The following THSD4 variants were observed in gnomAD, a reference collection of about 807,000 sequenced individuals.
The protein encoded by THSD4 is thrombospondin type 1 domain containing 4.
THSD4 carries 69 observed loss-of-function variants against 119.0 expected under a neutral mutation model. The ratio of observed to expected loss-of-function variants is 0.58; its 90% CI spans 0.48 to 0.71. The LOEUF is 0.71. Ranked by LOEUF, THSD4 falls within the 30% of genes least tolerant of loss-of-function variation. The pLI, the probability that THSD4 is intolerant of heterozygous loss-of-function variation, is 0.00. For missense variants in THSD4, 1,393 were observed against 1,391.1 expected (o/e 1.00, Z -0.02); for synonymous variants, 524 against 540.4 (o/e 0.97, Z 0.42).
intron 5 of THSD4, among the ~76,000 whole-genome samples, chr15:71,255,419 A>G (rs1392486191): frequency 6.6e-6 from 1 of 152,242 alleles, no homozygotes; most frequent in Non-Finnish European, 1.5e-5. Context: ...AGGAAGAGAT[A>G]AGCCAGAGGG....
rs1190985843 is a variant in THSD4 at position 71,115,846 on chromosome 15, GCTGCGC to G, written c.-80+150_-80+155del. 1 of 151,514 alleles carries G rather than the reference GCTGCGC, an allele frequency of 6.6e-6. No homozygotes were observed. The highest frequency in any genetic ancestry group is 2.4e-5 in the African/African-American group (1 of 41,172). 9.4% of individuals were successfully genotyped at this position (151,514 alleles called of 1,614,324 possible). ...AGTGGGTGTGTCCGGGGCGCCGCGG[GCTGCGC>G]CGCTCCGGGCTCGGGGAGCCAGCGC... On this transcript the variant is annotated intron_variant, in intron 1 of 17. Transcript: ENST00000261862. This position sits in a 1 kb window ranked among gnomAD's most constrained non-coding sequence, Gnocchi z 4.4.
chr15:71,780,441 A>G lies in THSD4; in HGVS notation c.*3067A>G, dbSNP rs1595944651. On this transcript the variant is annotated 3_prime_UTR_variant, in exon 18 of 18. Coordinates refer to ENST00000261862, the MANE Select transcript of THSD4 (RefSeq NM_024817.3). ...GCAGCCTAGGCAAAGGACATTTAGT[A>G]CTATCGATTCTTTCCACCCTCACGA... The G allele has an allele frequency of 8.6e-6, 2 of 231,334 alleles. No homozygotes were observed. The highest frequency in any genetic ancestry group is 2.2e-5 in the African/African-American group (1 of 45,236). The allele number at this position is 231,334 out of a possible 1,614,324, so 14.3% of individuals were successfully genotyped here.
At chr15:71,711,673 G>GGT (rs1567113495) in intron 8 of THSD4, among the ~76,000 whole-genome samples, 1 of 151,728 alleles carries the variant, frequency 6.6e-6, no homozygotes, top group Non-Finnish European at 1.5e-5. Context: ...TAAAGGTAAT[G>GGT]ATATATATAA....
rs2048678485 is a variant in THSD4 at position 71,535,577 on chromosome 15, TG to T, written c.1152+123755del. Reference sequence around the variant, plus strand: ...TCCAAGGCAGCCGCACCATTTTACCTGACCACTAGTAGTATGTAAGATTTCC... The same window carrying T: ...TCCAAGGCAGCCGCACCATTTTACCTACCACTAGTAGTATGTAAGATTTCC... On this transcript the variant is annotated intron_variant, in intron 7 of 17. Coordinates refer to ENST00000261862, the MANE Select transcript of THSD4 (RefSeq NM_024817.3). Among the ~76,000 whole-genome samples the T allele has an allele frequency of 2.0e-5, 3 of 152,228 alleles. No individual in the cohort carries two copies. In the South Asian group the frequency reaches 6.2e-4, roughly 32 times the overall value.
chr15:71,690,922 C>T (rs945179958), intron 8 of THSD4, among the ~76,000 whole-genome samples: 23 of 152,126 alleles, frequency 1.5e-4, no homozygotes, highest in Non-Finnish European at 2.6e-4. Flanking sequence ...ACAGCCAAAC[C>T]ATATCACATG....
chr15:71,304,700 C>T (rs1032373625), intron 6 of THSD4, among the ~76,000 whole-genome samples: 1 of 152,108 alleles, frequency 6.6e-6, no homozygotes, highest in Non-Finnish European at 1.5e-5. Flanking sequence ...CAATGTTCTC[C>T]AACCTCGTCT....
intron 6 of THSD4, among the ~76,000 whole-genome samples, chr15:71,309,072 C>G (rs542789582): frequency 2.2e-4 from 34 of 152,290 alleles, no homozygotes; most frequent in African/African-American, 7.2e-4. Context: ...ACTTCAGCCT[C>G]CCGAGTAGCT....
At chr15:71,405,623 C>A (rs949732268) in intron 6 of THSD4, among the ~76,000 whole-genome samples, 5 of 152,148 alleles carry the variant, frequency 3.3e-5, no homozygotes, top group African/African-American at 7.2e-5. Flanking sequence ...AATATGAATC[C>A]TCCAGCTGTT....
intron 7 of THSD4, among the ~76,000 whole-genome samples, chr15:71,556,833 A>G (rs930907868): frequency 2.0e-5 from 3 of 151,820 alleles, no homozygotes; most frequent in Non-Finnish European, 1.5e-5. Flanking sequence ...AATTTAAATC[A>G]GTTTTATGTA....
intron 6 of THSD4, among the ~76,000 whole-genome samples, chr15:71,408,129 A>G (rs2046632420): frequency 6.6e-6 from 1 of 152,066 alleles, no homozygotes; most frequent in African/African-American, 2.4e-5. Flanking sequence ...TGCTTAGAGA[A>G]GAGTCTCCTG....
At chr15:71,637,555 G>A (rs2050769196) in intron 7 of THSD4, among the ~76,000 whole-genome samples, 1 of 152,110 alleles carries the variant, frequency 6.6e-6, no homozygotes, top group African/African-American at 2.4e-5. Flanking sequence ...CAGTAACCTG[G>A]TGAGGGTAGC....
At chr15:71,330,218 C>T (rs2045403667) in intron 6 of THSD4, among the ~76,000 whole-genome samples, 1 of 152,132 alleles carries the variant, frequency 6.6e-6, no homozygotes, top group Admixed American at 6.5e-5. Flanking sequence ...TGTGGAGTCA[C>T]TCAGATGTGC....
chr15:71,260,463 G>T (rs554664338), intron 6 of THSD4, among the ~76,000 whole-genome samples: 1 of 152,170 alleles, frequency 6.6e-6, no homozygotes, highest in South Asian at 2.1e-4. Flanking sequence ...GAAACTGCTT[G>T]AATTCACATT....
intron 6 of THSD4, among the ~76,000 whole-genome samples, chr15:71,309,570 C>T (rs2045082798): frequency 6.6e-6 from 1 of 152,098 alleles, no homozygotes; most frequent in South Asian, 2.1e-4. Flanking sequence ...GAAACCATTA[C>T]CTAGTCTGAG....
chr15:71,160,311 C>T (rs1049237749), intron 3 of THSD4, among the ~76,000 whole-genome samples: 5 of 151,976 alleles, frequency 3.3e-5, no homozygotes, highest in African/African-American at 9.7e-5. Flanking sequence ...GTTTTGGAAT[C>T]AGGATAATGC....
At chr15:71,434,438 T>C in intron 7 of THSD4, among the ~76,000 whole-genome samples, 1 of 129,484 alleles carries the variant, frequency 7.7e-6, no homozygotes, top group Non-Finnish European at 1.6e-5. Context: ...TGGTCCCTTT[T>C]TTTTTTTTTT....
intron 6 of THSD4, among the ~76,000 whole-genome samples, chr15:71,371,670 C>T (rs1422732366): frequency 6.6e-6 from 1 of 152,202 alleles, no homozygotes; most frequent in African/African-American, 2.4e-5. Flanking sequence ...ATGGGCTTCC[C>T]TTTGTGGGTA....
At chr15:71,588,287 C>T (rs1309068002) in intron 7 of THSD4, among the ~76,000 whole-genome samples, 1 of 108,424 alleles carries the variant, frequency 9.2e-6, no homozygotes, top group South Asian at 3.2e-4. Flanking sequence ...GCCTGGGCGA[C>T]AGAGCGAGAC....
intron 7 of THSD4, among the ~76,000 whole-genome samples, chr15:71,430,752 G>C (rs911075249): frequency 2.0e-4 from 17 of 86,152 alleles, no homozygotes; most frequent in African/African-American, 8.2e-4. Context: ...GCAAGACTCT[G>C]TCTCAAGAAA....
Sources: allele counts gnomAD v4.1 joint callset (sites outside exome capture counted in the v4.1 genomes callset), GRCh38; gene constraint gnomAD v4.1.1; non-coding constraint Gnocchi (gnomAD v3.1); transcripts MANE v1.5; gene names NCBI Gene and HGNC (gene_info 2026-07-23, HGNC 2026-07-21).